Variants in TDRD7 observed in about 807,000 individuals in gnomAD.
TDRD7 encodes the protein tudor domain containing 7.
TDRD7 carries 47 observed loss-of-function variants against 109.8 expected under a neutral mutation model. The ratio of observed to expected loss-of-function variants is 0.43; its 90% CI spans 0.34 to 0.55. The LOEUF is 0.55. TDRD7 is among the 20% of genes least tolerant of loss of function. TDRD7 has a pLI of 0.03. For synonymous variants in TDRD7, 424 were observed against 457.3 expected, an observed-to-expected ratio of 0.93 and a Z score of 0.93; for missense variants, 1,164 against 1,319.2, an observed-to-expected ratio of 0.88 and a Z score of 1.82.
intron 6 of TDRD7, among the ~76,000 whole-genome samples, chr9:97,452,715 C>T (rs1828521028): frequency 6.6e-6 from 1 of 152,170 alleles, no homozygotes; most frequent in Non-Finnish European, 1.5e-5. Context: ...GCTGCAGACA[C>T]AGCCCTGGAA....
chr9:97,415,724 C>T (rs914322878), intron 1 of TDRD7, among the ~76,000 whole-genome samples: 5 of 152,258 alleles, frequency 3.3e-5, no homozygotes, highest in South Asian at 2.1e-4. Context: ...ACCCGGCAGG[C>T]GGAGGTTGCA....
intron 8 of TDRD7, among the ~76,000 whole-genome samples, chr9:97,468,096 C>T (rs1308813918): frequency 1.3e-5 from 2 of 152,200 alleles, no homozygotes; most frequent in African/African-American, 4.8e-5. Context: ...TCAGATGTCA[C>T]ATGGATGAAT....
At position 97,428,603 on chromosome 9, in the gene TDRD7, C is replaced by G; in HGVS notation, c.138C>G (p.Phe46Leu). ...GDWIPFKQLG[F>L]PTLEAYLRSV... Reference sequence around the variant, plus strand: ...GGATCCCCTTCAAACAGCTAGGTTTCCCTACACTAGAAGCCTATCTGAGAA... The same window carrying G: ...GGATCCCCTTCAAACAGCTAGGTTTGCCTACACTAGAAGCCTATCTGAGAA... The change falls in exon 2 of 17, where the codon TTC (phenylalanine) becomes TTG (leucine). Residue 46 changes from phenylalanine (F) to leucine (L), a missense_variant. By Grantham distance (22) the Phe-to-Leu change is conservative. Transcript: ENST00000355295. 4 of 1,614,026 alleles carry G rather than the reference C, an allele frequency of 2.5e-6. No individual in the cohort carries two copies. Among genetic ancestry groups the G allele is most frequent in the Non-Finnish European group, 3.4e-6 (4 of 1,179,940 alleles).
intron 8 of TDRD7, among the ~76,000 whole-genome samples, chr9:97,465,658 AAC>A (rs987862015): frequency 3.9e-5 from 6 of 152,018 alleles, no homozygotes; most frequent in Non-Finnish European, 7.4e-5. Context: ...ACACCCAAAT[AAC>A]ATGCAGAGAA....
chr9:97,455,797 C>T (rs1055368607), intron 6 of TDRD7, among the ~76,000 whole-genome samples: 4 of 152,142 alleles, frequency 2.6e-5, no homozygotes, highest in Non-Finnish European at 4.4e-5. Context: ...CACTCCTATT[C>T]AACATAGTGT....
In TDRD7 at chr9:97,495,667, G is replaced by A. The variant is rs1268894089; in HGVS notation, c.3081G>A (p.Val1027=). The part of the protein sequence containing the change: ...FQAVTAQLAG[V]KCNQWSEEAS... Reference sequence around the variant, plus strand: ...TTCTTCCTCTCTTCCTCCTAGGAGTGAAGTGCAACCAGTGGTCTGAGGAGG... The same window carrying A: ...TTCTTCCTCTCTTCCTCCTAGGAGTAAAGTGCAACCAGTGGTCTGAGGAGG... Residue 1027 remains valine, a synonymous_variant, in exon 17 of 17, where the codon GTG becomes GTA. Transcript: ENST00000355295. The A allele has an allele frequency of 6.2e-7, 1 of 1,614,064 alleles. No individual in the cohort carries two copies. Among genetic ancestry groups the A allele is most frequent in the South Asian group, 1.1e-5 (1 of 91,076 alleles).
chr9:97,473,906 A>G (rs1379172805), intron 11 of TDRD7, among the ~76,000 whole-genome samples: 1 of 152,184 alleles, frequency 6.6e-6, no homozygotes, highest in African/African-American at 2.4e-5. Flanking sequence ...GTGCACAGCA[A>G]TCGGTAGATG....
intron 6 of TDRD7, among the ~76,000 whole-genome samples, chr9:97,456,796 T>C (rs1453162789): frequency 6.6e-6 from 1 of 152,056 alleles, no homozygotes; most frequent in African/African-American, 2.4e-5. Context: ...CCAAAAGCAA[T>C]TGCAACAAAA....
At chr9:97,468,966 G>A (rs1828866417) in intron 8 of TDRD7, among the ~76,000 whole-genome samples, 1 of 152,218 alleles carries the variant, frequency 6.6e-6, no homozygotes, top group African/African-American at 2.4e-5. Context: ...AACTGCAGTT[G>A]CCATACAAAC....
At chr9:97,466,621 A>G (rs72749694) in intron 8 of TDRD7, among the ~76,000 whole-genome samples, 3,802 of 152,352 alleles carry the variant, frequency 0.025, 72 homozygotes, top group Non-Finnish European at 0.038. Flanking sequence ...ATACAAAGGA[A>G]TTAACTACTG....
At chr9:97,431,482 G>T (rs545528725) in intron 3 of TDRD7, among the ~76,000 whole-genome samples, 4 of 152,136 alleles carry the variant, frequency 2.6e-5, no homozygotes, top group Non-Finnish European at 5.9e-5. Context: ...GTAGTACAGA[G>T]AAATGTTATA....
chr9:97,487,600 AGT>A (rs1829233684), intron 16 of TDRD7, among the ~76,000 whole-genome samples: 1 of 151,910 alleles, frequency 6.6e-6, no homozygotes, highest in Non-Finnish European at 1.5e-5. Flanking sequence ...CTGTGATCTT[AGT>A]ACAGATATAA....
chr9:97,439,862 G>T (rs1226225313), intron 5 of TDRD7, among the ~76,000 whole-genome samples: 1 of 152,148 alleles, frequency 6.6e-6, no homozygotes, highest in Non-Finnish European at 1.5e-5. Context: ...ATAAGTCAAA[G>T]AATCTGAAGG....
At chr9:97,469,916 G>C (rs1390305217) in intron 8 of TDRD7, among the ~76,000 whole-genome samples, 1 of 152,138 alleles carries the variant, frequency 6.6e-6, no homozygotes, top group Non-Finnish European at 1.5e-5. Context: ...CTTTTGCTGA[G>C]CTGAAAGAAG....
chr9:97,478,715 T>G, intron 13 of TDRD7, 142 bp downstream of exon 13: 2 of 1,186,956 alleles, frequency 1.7e-6, no homozygotes, highest in Non-Finnish European at 2.5e-6. Context: ...CTGCTGGTTT[T>G]CAGAAGTAAA....
chr9:97,421,742 G>A (rs1374791124), intron 1 of TDRD7, among the ~76,000 whole-genome samples: 5 of 125,236 alleles, frequency 4.0e-5, no homozygotes, highest in Admixed American at 8.6e-5. Flanking sequence ...GTGTGTGTGT[G>A]TGAAGACGGA....
intron 6 of TDRD7, among the ~76,000 whole-genome samples, chr9:97,443,810 A>G (rs542974601): frequency 6.6e-6 from 1 of 152,364 alleles, no homozygotes; most frequent in Admixed American, 6.5e-5. Context: ...TAAAACTTAG[A>G]GCATTTTTTT....
At chr9:97,441,470 T>G (rs1828303896) in intron 5 of TDRD7, among the ~76,000 whole-genome samples, 188 bp from the exon 6 acceptor site, 2 of 152,152 alleles carry the variant, frequency 1.3e-5, no homozygotes, top group Non-Finnish European at 2.9e-5. Flanking sequence ...ACACTGCTGG[T>G]TATTTCAGGG....
At chr9:97,490,018 G>C (rs1442750668) in intron 16 of TDRD7, among the ~76,000 whole-genome samples, 1 of 151,844 alleles carries the variant, frequency 6.6e-6, no homozygotes, top group Non-Finnish European at 1.5e-5. Flanking sequence ...GCAGATACAT[G>C]CACATGTGCA....
Sources: gnomAD v4.1 joint callset for allele counts (sites outside exome capture counted in the v4.1 genomes callset) on GRCh38, gnomAD v4.1.1 for gene constraint, MANE v1.5 for transcripts, NCBI Gene and HGNC (gene_info 2026-07-23, HGNC 2026-07-21) for gene names.